Variants in MRPL35 observed in about 807,000 individuals in gnomAD.
MRPL35 encodes the protein large ribosomal subunit protein bL35m.
MRPL35 carries 18 observed loss-of-function variants against 21.6 expected under a neutral mutation model. The ratio of observed to expected loss-of-function variants is 0.83; its 90% confidence interval spans 0.58 to 1.24. The LOEUF is 1.24. MRPL35 is among the 50% of genes most tolerant of loss of function. MRPL35 has a pLI of 0.00. For missense variants in MRPL35, 223 were observed against 223.2 expected (o/e 1.00, Z 0.01); for synonymous variants, 87 against 86.9 (o/e 1.00, Z -0.01).
chr2:86,206,042 CTTAATTT>C, intron 1 of MRPL35, 57 bp from the exon 2 acceptor site: 9 of 1,381,034 alleles, frequency 6.5e-6, no homozygotes, highest in Non-Finnish European at 8.0e-6. Context: ...TGATACATCT[CTTAATTT>C]TTAATATCTG....
At chr2:86,204,360 T>A (rs1673747477) in intron 1 of MRPL35, among the ~76,000 whole-genome samples, 1 of 152,134 alleles carries the variant, frequency 6.6e-6, no homozygotes, top group Non-Finnish European at 1.5e-5. Flanking sequence ...TGTACAGCTT[T>A]ATGTTTTTTT....
Position 86,212,772 on chromosome 2 carries a change from G to A in MRPL35, c.*2104G>A, listed in dbSNP as rs1204628636. The A allele has an allele frequency of 9.1e-7, 1 of 1,098,664 alleles. No individual in the cohort carries two copies. The highest frequency in any genetic ancestry group is 1.1e-6 in the Non-Finnish European group (1 of 903,744). The allele number at this position is 1,098,664 out of a possible 1,614,324, so 68.1% of individuals were successfully genotyped here. A position where few individuals can be genotyped will look rare whatever the true frequency, so the allele number is the denominator to read the frequency against. On this transcript the variant is annotated 3_prime_UTR_variant, in exon 4 of 4. Coordinates refer to ENST00000337109, the MANE Select transcript of MRPL35 (RefSeq NM_016622.4). ...CATACATACGATTTTTGTTTTGTGG[G>A]TAGGAGGGCTTATCATCAACACTGA...
intron 1 of MRPL35, among the ~76,000 whole-genome samples, chr2:86,204,680 T>G (rs1004447198): frequency 2.0e-5 from 3 of 152,092 alleles, no homozygotes; most frequent in Non-Finnish European, 4.4e-5. Flanking sequence ...GAAATCTGCC[T>G]TCTGACCTGT....
At chr2:86,203,111 G>A (rs985243621) in intron 1 of MRPL35, among the ~76,000 whole-genome samples, 12 of 133,666 alleles carry the variant, frequency 9.0e-5, no homozygotes, top group Admixed American at 4.9e-4. Context: ...ACGGAGTCCC[G>A]CTCTGTCGCT....
In MRPL35 at chr2:86,199,546, C is replaced by A. The variant is rs1158409487; in HGVS notation, c.43+13C>A. 6.8e-6 allele frequency: 11 copies of A among 1,613,918 alleles called. No individual in the cohort carries two copies. Among genetic ancestry groups the A allele is most frequent in the Non-Finnish European group, 9.3e-6 (11 of 1,180,000 alleles). On this transcript the variant is annotated intron_variant, in intron 1 of 3. Coordinates refer to ENST00000337109, the MANE Select transcript of MRPL35 (RefSeq NM_016622.4). ...AGAGCAGCTTCAGGTCAGTGGAGAG[C>A]GACATACTCCATGCATGCCTTCACA...
At chr2:86,207,878 G>T (rs1311573282) in intron 3 of MRPL35, among the ~76,000 whole-genome samples, 2 of 152,186 alleles carry the variant, frequency 1.3e-5, no homozygotes, top group Non-Finnish European at 2.9e-5. Context: ...CTGCACTCCA[G>T]CCTAGGTGAC....
At chr2:86,206,970 G>A (rs1433086529) in intron 2 of MRPL35, among the ~76,000 whole-genome samples, 1 of 152,150 alleles carries the variant, frequency 6.6e-6, no homozygotes, top group East Asian at 1.9e-4. Flanking sequence ...TATTTTACAG[G>A]GATTGAGGGG....
At chr2:86,202,907 C>T (rs1266956731) in intron 1 of MRPL35, among the ~76,000 whole-genome samples, 3 of 151,282 alleles carry the variant, frequency 2.0e-5, no homozygotes, top group Non-Finnish European at 4.4e-5. Flanking sequence ...CCAAGCTGGT[C>T]GCAAACTCCT....
At position 86,210,795 on chromosome 2, in the gene MRPL35, A is replaced by T; in HGVS notation, c.*127A>T. On this transcript the variant is annotated 3_prime_UTR_variant, in exon 4 of 4. Coordinates refer to ENST00000337109, the MANE Select transcript of MRPL35 (RefSeq NM_016622.4). ...GAATACGTAAACATACAGTGACAAC[A>T]TTAAACTTAGAAAAGTTTTAAAACT... The T allele has an allele frequency of 1.5e-6, 2 of 1,353,536 alleles. No individual in the cohort carries two copies. Among genetic ancestry groups the T allele is most frequent in the Non-Finnish European group, 9.5e-7 (1 of 1,047,264 alleles). The allele number at this position is 1,353,536 out of a possible 1,614,324, so 83.8% of individuals were successfully genotyped here. A position where few individuals can be genotyped will look rare whatever the true frequency, so the allele number is the denominator to read the frequency against.
intron 3 of MRPL35, among the ~76,000 whole-genome samples, chr2:86,207,861 C>G (rs754289845): frequency 2.0e-5 from 3 of 152,074 alleles, no homozygotes; most frequent in Non-Finnish European, 4.4e-5. Context: ...GAGCCAAGAT[C>G]ACGCCACTGC....
intron 2 of MRPL35, among the ~76,000 whole-genome samples, 192 bp downstream of exon 2, chr2:86,206,487 C>T (rs1429463171): frequency 1.3e-5 from 2 of 152,142 alleles, no homozygotes; most frequent in East Asian, 1.9e-4. Flanking sequence ...GGATTACAGG[C>T]GTGAGCCACT....
chr2:86,204,824 C>T (rs1011696961), intron 1 of MRPL35, among the ~76,000 whole-genome samples: 1 of 152,202 alleles, frequency 6.6e-6, no homozygotes, highest in African/African-American at 2.4e-5. Context: ...GGTGGGGTGT[C>T]AACCCCAAGC....
intron 1 of MRPL35, among the ~76,000 whole-genome samples, chr2:86,204,308 A>G (rs1673746172): frequency 6.6e-6 from 1 of 151,768 alleles, no homozygotes; most frequent in Non-Finnish European, 1.5e-5. Context: ...AACCAACTTT[A>G]TTGAGGTAGA....
At chr2:86,208,594 G>A (rs968249991) in intron 3 of MRPL35, among the ~76,000 whole-genome samples, 3 of 152,112 alleles carry the variant, frequency 2.0e-5, no homozygotes, top group African/African-American at 7.2e-5. Flanking sequence ...GGCATGGGCC[G>A]TGACGCCTAG....
chr2:86,211,717 G>T lies in MRPL35; in HGVS notation c.*1049G>T. ...GAGTTTTGCTCTGTTGCCCAGGCTG[G>T]AGTGCAGTGGTGCAATCATAGCTCA... On this transcript the variant is annotated 3_prime_UTR_variant, in exon 4 of 4. Transcript: ENST00000337109. 2 of 984,074 alleles carry T rather than the reference G, an allele frequency of 2.0e-6. No individual in the cohort carries two copies. Among genetic ancestry groups the T allele is most frequent in the Non-Finnish European group, 2.4e-6 (2 of 828,738 alleles). 61.0% of individuals were successfully genotyped at this position (984,074 alleles called of 1,614,324 possible).
chr2:86,212,957 GTACA>G lies in MRPL35; in HGVS notation c.*2297_*2300del. On this transcript the variant is annotated 3_prime_UTR_variant, in exon 4 of 4. Coordinates refer to ENST00000337109, the MANE Select transcript of MRPL35 (RefSeq NM_016622.4). ...TGTCCCAGCATATCTACAAAACTGGGTACATACATACTGTCTAACTGCTAATCCA... is the reference window on the plus strand; with the variant it reads ...TGTCCCAGCATATCTACAAAACTGGGTACATACTGTCTAACTGCTAATCCA... The G allele has an allele frequency of 1.4e-6, 1 of 689,708 alleles. No homozygotes were observed. Among genetic ancestry groups the G allele is most frequent in the Non-Finnish European group, 1.8e-6 (1 of 560,250 alleles). The allele number at this position is 689,708 out of a possible 1,614,324, so 42.7% of individuals were successfully genotyped here.
rs1319808464 is a variant in MRPL35, at chr2:86,213,207, CTAAA to C, written c.*2544_*2547del. The C allele has an allele frequency of 4.0e-6, 4 of 995,480 alleles. No homozygotes were observed. The African/African-American group carries it at 5.2e-5, about 13-fold the overall frequency. The allele number at this position is 995,480 out of a possible 1,614,324, so 61.7% of individuals were successfully genotyped here. A position where few individuals can be genotyped will look rare whatever the true frequency, so the allele number is the denominator to read the frequency against. On this transcript the variant is annotated 3_prime_UTR_variant, in exon 4 of 4. Coordinates refer to ENST00000337109, the MANE Select transcript of MRPL35 (RefSeq NM_016622.4). ...TGACTGTAATCTGGTACTATAAATA[CTAAA>C]TAAACACTTCTTCATAACACTGTAC... is the stretch of plus-strand genomic sequence containing the variant.
Position 86,199,461 on chromosome 2 carries a change from C to A in MRPL35, c.-30C>A, listed in dbSNP as rs775812404. 6 of 1,613,910 alleles carry A rather than the reference C, an allele frequency of 3.7e-6. No homozygotes were observed. The highest frequency in any genetic ancestry group is 5.1e-6 in the Non-Finnish European group (6 of 1,179,990). ...CTCTTTTGCTCTTGTGCTTTTAAAC[C>A]CAAAGCGGCCGCCGTAGGCGAAGGT... is the stretch of plus-strand genomic sequence containing the variant. On this transcript the variant is annotated 5_prime_UTR_variant, in exon 1 of 4. Transcript: ENST00000337109.
rs1260445997 is a variant in MRPL35 at position 86,210,470 on chromosome 2, T to C, written c.379-10T>C. 1 of 1,597,078 alleles carries C rather than the reference T, an allele frequency of 6.3e-7. No homozygotes were observed. Among genetic ancestry groups the C allele is most frequent in the Non-Finnish European group, 8.5e-7 (1 of 1,172,738 alleles). On this transcript the variant is annotated splice_polypyrimidine_tract_variant and intron_variant, in intron 3 of 3. Coordinates refer to ENST00000337109, the MANE Select transcript of MRPL35 (RefSeq NM_016622.4). ...TATGATGTTTTACATTTCTTTGTAATATCTGACAGGCTGGCTATAAGAAAA... is the reference window on the plus strand; with the variant it reads ...TATGATGTTTTACATTTCTTTGTAACATCTGACAGGCTGGCTATAAGAAAA...
Sources: gnomAD v4.1 joint callset for allele counts (sites outside exome capture counted in the v4.1 genomes callset) on GRCh38, gnomAD v4.1.1 for gene constraint, MANE v1.5 for transcripts, NCBI Gene and HGNC (gene_info 2026-07-23, HGNC 2026-07-21) for gene names.